BMPER: variants seen among roughly 807,000 people sequenced by gnomAD.
BMPER encodes the protein BMP-binding endothelial regulator protein.
A neutral mutation model predicts 87.3 loss-of-function variants in BMPER; 45 were observed. The observed-to-expected ratio is 0.52, with a 90% CI of 0.41 to 0.66. BMPER has a LOEUF of 0.66. Ranked by LOEUF, BMPER falls within the 30% of genes least tolerant of loss-of-function variation. BMPER has a pLI of 0.00. For synonymous variants in BMPER, 326 were observed against 316.2 expected (o/e 1.03, Z -0.33); for missense variants, 784 against 867.5 (o/e 0.90, Z 1.21).
chr7:34,055,311 A>G lies in BMPER; in HGVS notation c.927+8A>G. 1 of 1,613,792 alleles carries G rather than the reference A, an allele frequency of 6.2e-7. No individual in the cohort carries two copies. The highest frequency in any genetic ancestry group is 2.2e-5 in the East Asian group (1 of 44,882). On this transcript the variant is annotated splice_region_variant and intron_variant, in intron 9 of 14. Transcript: ENST00000649409. ...GGCAACAAGATTTTCCAGGTATGTC[A>G]TGAGACAAGCACATGGGAACTCCTG...
intron 7 of BMPER, among the ~76,000 whole-genome samples, chr7:34,047,458 T>C (rs2127958330): frequency 6.6e-6 from 1 of 152,014 alleles, no homozygotes; most frequent in Non-Finnish European, 1.5e-5. Context: ...TTTGTATTTT[T>C]AGTAGAGACA....
chr7:33,919,290 G>A (rs1784160462), intron 2 of BMPER, among the ~76,000 whole-genome samples: 1 of 152,142 alleles, frequency 6.6e-6, no homozygotes, highest in African/African-American at 2.4e-5. Context: ...AGGACTTTTA[G>A]ACTTTTTCAA....
chr7:33,939,285 A>G (rs1371681722), intron 3 of BMPER, among the ~76,000 whole-genome samples: 1 of 151,976 alleles, frequency 6.6e-6, no homozygotes, highest in Non-Finnish European at 1.5e-5. Flanking sequence ...TCCTCCTCTT[A>G]TCTTAATCTT....
At chr7:33,996,455 G>T (rs540686252) in intron 6 of BMPER, among the ~76,000 whole-genome samples, 1 of 152,294 alleles carries the variant, frequency 6.6e-6, no homozygotes, top group African/African-American at 2.4e-5. Flanking sequence ...TTACTGAGGA[G>T]AAACCTACCA....
At chr7:33,951,794 G>A (rs1785032806) in intron 3 of BMPER, among the ~76,000 whole-genome samples, 1 of 152,204 alleles carries the variant, frequency 6.6e-6, no homozygotes, top group Admixed American at 6.5e-5. Flanking sequence ...GTGTAGTACT[G>A]TTGGCTCACA....
intron 6 of BMPER, among the ~76,000 whole-genome samples, chr7:34,045,262 A>G (rs1007849424): frequency 6.6e-6 from 1 of 152,238 alleles, no homozygotes; most frequent in African/African-American, 2.4e-5. Flanking sequence ...AACAATTTCT[A>G]TTGCATAGGA....
intron 6 of BMPER, chr7:34,042,651 G>C (rs1283045918): frequency 6.6e-6 from 1 of 152,188 alleles, no homozygotes; most frequent in Non-Finnish European, 1.5e-5. Flanking sequence ...TCAGCATCCT[G>C]TAGTTAAAGT....
chr7:34,061,950 GTT>G (rs3083769), intron 10 of BMPER, 50 bp from the exon 11 acceptor site: 442 of 1,168,714 alleles, frequency 3.8e-4, no homozygotes, highest in Middle Eastern at 5.5e-4. Flanking sequence ...AGGAGACCCT[GTT>G]TTTTTTTTTT....
intron 13 of BMPER, among the ~76,000 whole-genome samples, chr7:34,101,107 TCTAGTCTGGC>T (rs1307962462): frequency 6.6e-6 from 1 of 152,240 alleles, no homozygotes; most frequent in Non-Finnish European, 1.5e-5. Context: ...TTTCTCCATT[TCTAGTCTGGC>T]CTAGTCTGTG....
intron 10 of BMPER, 37 bp from the exon 11 acceptor site, chr7:34,061,965 T>TTTTTTTAA: frequency 2.6e-6 from 4 of 1,519,750 alleles, no homozygotes; most frequent in Non-Finnish European, 3.6e-6. Context: ...TTTTTTTTTT[T>TTTTTTTAA]AAACAGTAAC....
chr7:33,947,514 C>T (rs1784917539), intron 3 of BMPER, among the ~76,000 whole-genome samples: 1 of 152,214 alleles, frequency 6.6e-6, no homozygotes, highest in Admixed American at 6.5e-5. Context: ...CCATGGGTTG[C>T]ATTTTTTAAT....
chr7:33,970,624 A>G (rs1235607998), intron 5 of BMPER, among the ~76,000 whole-genome samples: 2 of 152,160 alleles, frequency 1.3e-5, no homozygotes, highest in Non-Finnish European at 2.9e-5. Context: ...AGGTCCTGGC[A>G]TGGGGGTTCT....
At position 34,085,961 on chromosome 7, in the gene BMPER, G is replaced by T. The variant is rs1236746420; in HGVS notation, c.1614G>T (p.Gln538His). Residue 538 changes from glutamine to histidine, a missense_variant, in exon 13 of 15, where the codon CAG becomes CAT. By Grantham distance (24) the Gln-to-His change is conservative. Transcript: ENST00000649409. Reference sequence around the variant, plus strand: ...CCAATGAGTTCTGCAACAGACCTCAGAGAAAGCCAGTGCCTGAACTGTGTC... The same window carrying T: ...CCAATGAGTTCTGCAACAGACCTCATAGAAAGCCAGTGCCTGAACTGTGTC... ...VESNEFCNRPQRKPVPELCQG... is the reference protein window; with the variant it reads ...VESNEFCNRPHRKPVPELCQG... 1 of 1,614,028 alleles carries T rather than the reference G, an allele frequency of 6.2e-7. No homozygotes were observed. Among genetic ancestry groups the T allele is most frequent in the Non-Finnish European group, 8.5e-7 (1 of 1,180,028 alleles).
chr7:34,139,253 C>T (rs1167516851), intron 13 of BMPER, among the ~76,000 whole-genome samples: 5 of 152,148 alleles, frequency 3.3e-5, no homozygotes, highest in South Asian at 2.1e-4. Flanking sequence ...GTGAGGGCAA[C>T]GCAAAGTGAA....
chr7:34,126,441 A>G (rs1284944066), intron 13 of BMPER, among the ~76,000 whole-genome samples: 1 of 152,198 alleles, frequency 6.6e-6, no homozygotes, highest in East Asian at 1.9e-4. Context: ...TGATCTGTTT[A>G]ATACATTTGA....
intron 4 of BMPER, among the ~76,000 whole-genome samples, chr7:33,966,852 A>G (rs931136625): frequency 2.0e-5 from 3 of 152,232 alleles, no homozygotes; most frequent in African/African-American, 7.2e-5. Context: ...GGGAAAATTC[A>G]TGTCTTCCTG....
chr7:34,042,305 G>A (rs140376133), intron 6 of BMPER, among the ~76,000 whole-genome samples: 6 of 152,254 alleles, frequency 3.9e-5, no homozygotes, highest in African/African-American at 1.2e-4. Flanking sequence ...TCTAAGGAAA[G>A]GCAGATGATG....
At chr7:33,995,484 A>G (rs1269957217) in intron 6 of BMPER, among the ~76,000 whole-genome samples, 4 of 152,170 alleles carry the variant, frequency 2.6e-5, no homozygotes, top group African/African-American at 4.8e-5. Flanking sequence ...ATGCTGCTGA[A>G]TGGGTGGACC....
intron 3 of BMPER, among the ~76,000 whole-genome samples, chr7:33,939,779 C>T (rs1015342198): frequency 6.6e-6 from 1 of 152,170 alleles, no homozygotes; most frequent in African/African-American, 2.4e-5. Flanking sequence ...CCTCCCCAGC[C>T]ATGCTGAGCT....
Sources: gnomAD v4.1 joint callset for allele counts (sites outside exome capture counted in the v4.1 genomes callset) on GRCh38, gnomAD v4.1.1 for gene constraint, MANE v1.5 for transcripts, NCBI Gene and HGNC (gene_info 2026-07-23, HGNC 2026-07-21) for gene names.